FER1L6: variants seen among roughly 807,000 people sequenced by gnomAD.
The protein encoded by FER1L6 is fer-1-like protein 6.
In FER1L6, 177 loss-of-function variants were observed where a neutral mutation model predicts 219.2. The ratio of observed to expected loss-of-function variants is 0.81; its 90% CI spans 0.71 to 0.91. The LOEUF (loss-of-function observed/expected upper bound fraction) is 0.91. FER1L6 is among the 40% of genes least tolerant of loss of function. The probability of loss-of-function intolerance (pLI) is 0.00; values close to 1 mark genes in which losing one functional copy is unlikely to be tolerated. For synonymous variants in FER1L6, 768 were observed against 824.3 expected (o/e 0.93, Z 1.17); for missense variants, 2,153 against 2,259.9 (o/e 0.95, Z 0.96).
At chr8:123,964,192 G>A (rs1815429407) in intron 3 of FER1L6, among the ~76,000 whole-genome samples, 1 of 152,188 alleles carries the variant, frequency 6.6e-6, no homozygotes, top group African/African-American at 2.4e-5. Context: ...CCTTCTGTTG[G>A]AGAGACTAAA....
chr8:124,073,523 A>C (rs979920119), intron 31 of FER1L6, among the ~76,000 whole-genome samples: 11 of 152,248 alleles, frequency 7.2e-5, no homozygotes, highest in Non-Finnish European at 1.2e-4. Context: ...AGTAAAAAAA[A>C]TACTACTTAA....
intron 24 of FER1L6, 106 bp from the exon 25 acceptor site, chr8:124,061,746 A>C: frequency 9.0e-7 from 1 of 1,105,606 alleles, no homozygotes; most frequent in South Asian, 1.5e-5. Context: ...GCCAGGAGGG[A>C]CAGAATGGCA....
intron 12 of FER1L6, among the ~76,000 whole-genome samples, chr8:123,992,653 A>G (rs1256282283): frequency 3.9e-5 from 6 of 152,190 alleles, no homozygotes; most frequent in Admixed American, 1.3e-4. Flanking sequence ...CTATTTAAAG[A>G]AACAATTTTT....
chr8:123,994,458 T>G (rs994763401), intron 12 of FER1L6, among the ~76,000 whole-genome samples: 1 of 152,134 alleles, frequency 6.6e-6, no homozygotes, highest in African/African-American at 2.4e-5. Context: ...GGGGGTAGCA[T>G]GCAGCAGTAA....
At chr8:123,952,815 A>T (rs1586507810) in intron 1 of FER1L6, among the ~76,000 whole-genome samples, 1 of 152,212 alleles carries the variant, frequency 6.6e-6, no homozygotes, top group African/African-American at 2.4e-5. Flanking sequence ...TGAGTGCTTT[A>T]TACAGGTGTA....
intron 39 of FER1L6, among the ~76,000 whole-genome samples, chr8:124,104,286 A>G (rs1332861618): frequency 1.3e-5 from 2 of 152,222 alleles, no homozygotes; most frequent in African/African-American, 4.8e-5. Context: ...TGGGCAATCA[A>G]TATTTGTTGG....
At position 123,865,276 on chromosome 8, in the gene FER1L6, T is replaced by C. The variant is rs1265224073; in HGVS notation, c.-8+13091T>C. ...CAGTGTGCCCCTGCTGGGGGGTGCC[T>C]CCCAGTTAGGCTGCTCAGGGGTCAG... On this transcript the variant is annotated intron_variant, in intron 1 of 40. Coordinates refer to ENST00000522917, the MANE Select transcript of FER1L6 (RefSeq NM_001039112.2). Among the ~76,000 whole-genome samples the C allele has an allele frequency of 4.0e-5, 6 of 150,114 alleles. 1 individual carries two copies. Among genetic ancestry groups the C allele is most frequent in the Middle Eastern group, 6.8e-3 (2 of 294 alleles).
intron 13 of FER1L6, among the ~76,000 whole-genome samples, chr8:124,009,922 T>A (rs1184267353): frequency 2.0e-5 from 3 of 151,812 alleles, no homozygotes; most frequent in African/African-American, 7.3e-5. Flanking sequence ...AGAAGTCTTG[T>A]TCTAGTTTGA....
intron 33 of FER1L6, among the ~76,000 whole-genome samples, chr8:124,083,876 A>G (rs1189523308): frequency 6.6e-6 from 1 of 152,172 alleles, no homozygotes; most frequent in African/African-American, 2.4e-5. Context: ...TGGACATTTT[A>G]ACAGTACTGA....
intron 1 of FER1L6, among the ~76,000 whole-genome samples, chr8:123,905,318 G>A (rs1345427913): frequency 6.6e-6 from 1 of 152,182 alleles, no homozygotes; most frequent in African/African-American, 2.4e-5. Flanking sequence ...AGTTTTAAGT[G>A]AGAACGTGTG....
intron 1 of FER1L6, among the ~76,000 whole-genome samples, chr8:123,949,336 C>T (rs894991522): frequency 6.6e-6 from 1 of 152,056 alleles, no homozygotes; most frequent in African/African-American, 2.4e-5. Flanking sequence ...TCTCCTATTT[C>T]CAATGTCCAC....
intron 22 of FER1L6, among the ~76,000 whole-genome samples, chr8:124,056,925 TC>T (rs1820323841): frequency 6.6e-6 from 1 of 152,124 alleles, no homozygotes; most frequent in Admixed American, 6.5e-5. Flanking sequence ...GCAATTGTAA[TC>T]CCAGCTACTC....
intron 9 of FER1L6, 40 bp downstream of exon 9, chr8:123,976,124 G>A: frequency 1.4e-6 from 2 of 1,430,772 alleles, no homozygotes; most frequent in South Asian, 1.3e-5. Flanking sequence ...GCTAGGCCAG[G>A]GCCCTGCTCT....
At chr8:124,008,449 C>G (rs951713252) in intron 13 of FER1L6, among the ~76,000 whole-genome samples, 31 of 152,042 alleles carry the variant, frequency 2.0e-4, no homozygotes, top group African/African-American at 7.3e-4. Context: ...TTCTTTTCCT[C>G]TGGGTAGATA....
intron 39 of FER1L6, among the ~76,000 whole-genome samples, chr8:124,106,328 C>CAA (rs71289636): frequency 0.014 from 874 of 63,870 alleles, 98 homozygotes; most frequent in African/African-American, 0.024. Context: ...GACTCTGTCT[C>CAA]AAAAAAAAAA....
At position 123,932,034 on chromosome 8, in the gene FER1L6, A is replaced by G. The variant is rs76577622; in HGVS notation, c.-7-23958A>G. On this transcript the variant is annotated intron_variant, in intron 1 of 40. Transcript: ENST00000522917. Reference sequence around the variant, plus strand: ...GAGAATAGGCCTTTTACTCAGAACCATCTCAGTCAACAGCTTCTATTAGAG... The same window carrying G: ...GAGAATAGGCCTTTTACTCAGAACCGTCTCAGTCAACAGCTTCTATTAGAG... 3.3e-3 allele frequency among the ~76,000 whole-genome samples: 504 copies of G among 152,300 alleles called. 3 individuals carry two copies. The highest frequency in any genetic ancestry group is 0.028 in the East Asian group (145 of 5,188).
intron 1 of FER1L6, among the ~76,000 whole-genome samples, chr8:123,942,917 T>C (rs1814320438): frequency 6.6e-6 from 1 of 152,204 alleles, no homozygotes; most frequent in South Asian, 2.1e-4. Context: ...CCTGACAAAC[T>C]TGACCTTTTT....
At chr8:123,996,679 C>T (rs1410332003) in intron 12 of FER1L6, among the ~76,000 whole-genome samples, 5 of 151,946 alleles carry the variant, frequency 3.3e-5, no homozygotes, top group African/African-American at 1.2e-4. Context: ...TATTTGTTTT[C>T]TGGTTGTTTC....
chr8:124,006,753 T>G (rs1205215800), intron 13 of FER1L6, among the ~76,000 whole-genome samples: 1 of 152,136 alleles, frequency 6.6e-6, no homozygotes, highest in Non-Finnish European at 1.5e-5. Context: ...ACTGGCAGTC[T>G]CCTCTTTCCA....
Sources: allele counts gnomAD v4.1 joint callset (sites outside exome capture counted in the v4.1 genomes callset), GRCh38; gene constraint gnomAD v4.1.1; transcripts MANE v1.5; gene names NCBI Gene and HGNC (gene_info 2026-07-23, HGNC 2026-07-21).